ITFG2: variants seen among roughly 807,000 people sequenced by gnomAD.
The protein encoded by ITFG2 is integrin alpha FG-GAP repeat containing 2.
Under a neutral mutation model 54.4 loss-of-function variants are expected in ITFG2, and 36 were observed. That is an observed-to-expected ratio of 0.66 (90% CI 0.51 to 0.87). The LOEUF is 0.87. Among genes scored for constraint, ITFG2 ranks in the 40% least tolerant of loss-of-function variants. The probability of loss-of-function intolerance (pLI) is 0.00; values close to 1 mark genes in which losing one functional copy is unlikely to be tolerated. For missense variants in ITFG2, 524 were observed against 576.7 expected (o/e 0.91, Z 0.94); for synonymous variants, 211 against 225.4 (o/e 0.94, Z 0.57).
At chr12:2,854,051 GTT>G (rs2098079570) in intron 2 of ITFG2, among the ~76,000 whole-genome samples, 4 of 152,328 alleles carry the variant, frequency 2.6e-5, no homozygotes, top group Non-Finnish European at 5.9e-5. Context: ...TAGAGATGGA[GTT>G]TCTCTCTTGT....
chr12:2,844,335 C>T (rs1394281191), intron 2 of ITFG2, among the ~76,000 whole-genome samples: 3 of 152,152 alleles, frequency 2.0e-5, no homozygotes, highest in Non-Finnish European at 4.4e-5. Context: ...GGGCGGATCA[C>T]ATGAGGTCAG....
chr12:2,851,013 C>A (rs1287216509), intron 2 of ITFG2, among the ~76,000 whole-genome samples: 1 of 114,048 alleles, frequency 8.8e-6, no homozygotes, highest in Non-Finnish European at 1.7e-5. Context: ...GAGACAGAGT[C>A]TCGCTTAGCC....
chr12:2,846,918 A>C (rs2098054816), intron 2 of ITFG2, among the ~76,000 whole-genome samples: 1 of 152,050 alleles, frequency 6.6e-6, no homozygotes, highest in Admixed American at 6.6e-5. Flanking sequence ...ATAACACAAA[A>C]TTTACCATTT....
rs1466969657 is a variant in ITFG2 at position 2,824,084 on chromosome 12, T to C, written c.1241-6T>C. 7.4e-6 allele frequency: 12 copies of C among 1,613,824 alleles called. No individual in the cohort carries two copies. The highest frequency in any genetic ancestry group is 9.3e-6 in the Non-Finnish European group (11 of 1,179,994). On this transcript the variant is annotated splice_polypyrimidine_tract_variant and splice_region_variant and intron_variant, in intron 11 of 11. Transcript: ENST00000228799. ...AGCCTCTTACCCACCCCTTCTTGGC[T>C]CTCAGATCCTGACGACCTCCCTGTG...
chr12:2,853,840 G>T lies in ITFG2; in HGVS notation n.301-4172G>T, dbSNP rs115674671. On this transcript the variant is annotated intron_variant and non_coding_transcript_variant, in intron 2 of 3. Coordinates refer to the ITFG2 transcript ENST00000537710. ...CACAGCGGCTCCTCTCAACGTTCCTGGCTCCGCTCCCGACTTCTCAGCCCT... is the reference window on the plus strand; with the variant it reads ...CACAGCGGCTCCTCTCAACGTTCCTTGCTCCGCTCCCGACTTCTCAGCCCT... Among the ~76,000 whole-genome samples the T allele has an allele frequency of 2.8e-3, 423 of 152,108 alleles. 7 individuals carry two copies. The highest frequency in any genetic ancestry group is 9.9e-3 in the African/African-American group (411 of 41,500).
At chr12:2,834,630 G>C (rs2098019091), upstream of ITFG2, 1 of 1,571,442 alleles carries the variant, frequency 6.4e-7, no homozygotes, top group Non-Finnish European at 8.6e-7. Flanking sequence ...CAGGGGAGGG[G>C]TGATGCCTCA....
At chr12:2,834,859 G>A (rs775900382), upstream of ITFG2, 22 of 1,613,632 alleles carry the variant, frequency 1.4e-5, no homozygotes, top group East Asian at 3.1e-4. Context: ...AGTGGGCCAG[G>A]GGCTGCTCGG....
downstream of ITFG2, chr12:2,828,232 A>G: frequency 8.2e-7 from 1 of 1,224,002 alleles, no homozygotes; most frequent in South Asian, 1.2e-5. Flanking sequence ...CTTTATTGAG[A>G]TAAAATATGC....
upstream of ITFG2, among the ~76,000 whole-genome samples, chr12:2,831,945 C>G (rs1565432002): frequency 6.6e-6 from 1 of 152,102 alleles, no homozygotes; most frequent in East Asian, 1.9e-4. Context: ...CCCCACAGCT[C>G]TCTCGGATCC....
Position 2,820,189 on chromosome 12 carries a change from G to T in ITFG2, c.510G>T (p.Gln170His). ...LGEGPEHLTG[Q>H]LVSLKKWMLE... ...AGGGTCCTGAACATCTGACAGGGCA[G>T]CTGGTGTCCCTCAAGAAATGGATGC... The change falls in exon 5 of 12, where the codon CAG becomes CAT. Residue 170 changes from glutamine to histidine, a missense_variant. By Grantham distance (24) the Gln-to-His change is conservative. Coordinates refer to ENST00000228799, the MANE Select transcript of ITFG2 (RefSeq NM_018463.4). 1 of 1,612,834 alleles carries T rather than the reference G, an allele frequency of 6.2e-7. No individual in the cohort carries two copies. The highest frequency in any genetic ancestry group is 8.5e-7 in the Non-Finnish European group (1 of 1,179,374).
chr12:2,827,494 C>T, downstream of ITFG2: 1 of 1,553,158 alleles, frequency 6.4e-7, no homozygotes, highest in Non-Finnish European at 8.7e-7. This position sits in a 1 kb window ranked among gnomAD's most constrained non-coding sequence, Gnocchi z 4.0. Flanking sequence ...AAGTAAGGAA[C>T]CTCTAAGGAA....
At chr12:2,840,504 C>A (rs564497512) in intron 1 of ITFG2, among the ~76,000 whole-genome samples, 3 of 150,780 alleles carry the variant, frequency 2.0e-5, no homozygotes, top group African/African-American at 7.3e-5. Context: ...TCCATAAACT[C>A]AATATAATTC....
At chr12:2,818,468 G>T in intron 4 of ITFG2, 191 bp downstream of exon 4, 1 of 1,186,420 alleles carries the variant, frequency 8.4e-7, no homozygotes, top group Admixed American at 2.3e-5. Flanking sequence ...GACAAAAATT[G>T]CTGCCCTCCT....
downstream of ITFG2, among the ~76,000 whole-genome samples, chr12:2,831,611 C>CT (rs889329933): frequency 3.1e-4 from 47 of 151,976 alleles, no homozygotes; most frequent in African/African-American, 1.1e-3. Context: ...AAAAAAAACT[C>CT]TTAAGAACTA....
chr12:2,824,253 G>A lies in ITFG2; in HGVS notation c.*60G>A, dbSNP rs775355802. 1.3e-6 allele frequency: 2 copies of A among 1,495,396 alleles called. No individual in the cohort carries two copies. Among genetic ancestry groups the A allele is most frequent in the Non-Finnish European group, 1.9e-6 (2 of 1,073,174 alleles). 92.6% of individuals were successfully genotyped at this position (1,495,396 alleles called of 1,614,324 possible). ...TGAACCCCCACCCTACCCCCTAAAG[G>A]TATCTGTGGTATTGGCAGGATAGGG... is the stretch of plus-strand genomic sequence containing the variant. On this transcript the variant is annotated 3_prime_UTR_variant, in exon 12 of 12. Coordinates refer to ENST00000228799, the MANE Select transcript of ITFG2 (RefSeq NM_018463.4).
chr12:2,846,732 A>C (rs2098054378), intron 2 of ITFG2, among the ~76,000 whole-genome samples: 1 of 151,214 alleles, frequency 6.6e-6, no homozygotes, highest in African/African-American at 2.4e-5. Context: ...ACGCTCCTTC[A>C]CCCCTCAATT....
chr12:2,830,644 A>G (rs1479616844), intron 2 of ITFG2: 1 of 1,513,708 alleles, frequency 6.6e-7, no homozygotes, highest in African/African-American at 1.4e-5. Context: ...AGCAGAAAGG[A>G]GAGCAGGTGA....
At chr12:2,855,883 G>A (rs1052951971) in intron 2 of ITFG2, among the ~76,000 whole-genome samples, 1 of 152,036 alleles carries the variant, frequency 6.6e-6, no homozygotes, top group Non-Finnish European at 1.5e-5. Context: ...GGTCTTGGCG[G>A]TATACCAGGA....
chr12:2,849,245 G>A, intron 2 of ITFG2: 5 of 1,535,928 alleles, frequency 3.3e-6, no homozygotes, highest in Non-Finnish European at 4.4e-6. Flanking sequence ...AAGTGTCCAG[G>A]TCTTCTCTTC....
Sources: gnomAD v4.1 joint callset for allele counts (sites outside exome capture counted in the v4.1 genomes callset) on GRCh38, gnomAD v4.1.1 for gene constraint, Gnocchi (gnomAD v3.1) non-coding constraint, MANE v1.5 for transcripts, NCBI Gene and HGNC (gene_info 2026-07-23, HGNC 2026-07-21) for gene names.